FBXL13: variants seen among roughly 807,000 people sequenced by gnomAD.
The protein encoded by FBXL13 is F-box and leucine rich repeat protein 13.
A neutral mutation model predicts 83.6 loss-of-function variants in FBXL13; 67 were observed. That is an observed-to-expected ratio of 0.80 (90% confidence interval 0.66 to 0.98). The LOEUF is 0.98. Ranked by LOEUF, FBXL13 falls within the 50% of genes least tolerant of loss-of-function variation. The pLI is 0.00. For missense variants in FBXL13, 822 were observed against 866.5 expected (o/e 0.95, Z 0.64); for synonymous variants, 272 against 299.5 (o/e 0.91, Z 0.95).
At chr7:102,898,350 T>A (rs533036976) in intron 11 of FBXL13, among the ~76,000 whole-genome samples, 1 of 152,320 alleles carries the variant, frequency 6.6e-6, no homozygotes, top group East Asian at 1.9e-4. Context: ...TCTTTTCTTC[T>A]CTCTTTTTGA....
chr7:102,839,084 C>T (rs751431071), intron 17 of FBXL13, among the ~76,000 whole-genome samples: 12 of 152,220 alleles, frequency 7.9e-5, no homozygotes, highest in Non-Finnish European at 1.2e-4. Context: ...GGAGAAAAAC[C>T]GCCCTATGGC....
intron 1 of FBXL13, among the ~76,000 whole-genome samples, chr7:103,060,037 T>TATATAC (rs1554517907): frequency 2.1e-5 from 2 of 93,266 alleles, no homozygotes; most frequent in African/African-American, 4.9e-5. Flanking sequence ...TATATATATA[T>TATATAC]ATATATATAT....
At chr7:102,882,716 C>T (rs1315068624) in intron 14 of FBXL13, among the ~76,000 whole-genome samples, 6 of 151,998 alleles carry the variant, frequency 3.9e-5, no homozygotes, top group African/African-American at 7.3e-5. Flanking sequence ...GAGCTGAGAT[C>T]GTGCCACTGC....
intron 6 of FBXL13, chr7:102,973,871 G>A (rs939017896): frequency 4.3e-6 from 3 of 691,702 alleles, no homozygotes; most frequent in Admixed American, 4.3e-5. Context: ...AGGCTCCGAC[G>A]TGTGCCAGGT....
At chr7:103,052,287 C>A (rs1796896179) in intron 2 of FBXL13, among the ~76,000 whole-genome samples, 1 of 152,138 alleles carries the variant, frequency 6.6e-6, no homozygotes, top group African/African-American at 2.4e-5. Context: ...TGAGGTCTCA[C>A]TATGTTGCCC....
At chr7:102,988,930 G>A (rs890597286) in intron 6 of FBXL13, 1 of 152,194 alleles carries the variant, frequency 6.6e-6, no homozygotes, top group Non-Finnish European at 1.5e-5. Flanking sequence ...CTCAGTATAA[G>A]GGTATGAAGA....
At chr7:103,059,878 C>G (rs1225438280) in intron 1 of FBXL13, among the ~76,000 whole-genome samples, 2 of 151,584 alleles carry the variant, frequency 1.3e-5, no homozygotes, top group Non-Finnish European at 2.9e-5. Context: ...CAACCATTGA[C>G]AAATTACGTC....
At chr7:103,049,872 A>G (rs1033922489) in intron 2 of FBXL13, among the ~76,000 whole-genome samples, 4 of 152,124 alleles carry the variant, frequency 2.6e-5, no homozygotes, top group African/African-American at 9.7e-5. Context: ...GGTGGAGGGG[A>G]AGAGAATCAA....
At chr7:102,959,439 T>C (rs1824825370) in intron 8 of FBXL13, among the ~76,000 whole-genome samples, 1 of 152,014 alleles carries the variant, frequency 6.6e-6, no homozygotes, top group African/African-American at 2.4e-5. Flanking sequence ...GTAATATATA[T>C]TGTTTGAAAT....
rs560037371 is a variant in FBXL13, at chr7:102,895,929, C to T, written c.1009-11617G>A. 1.6e-3 allele frequency among the ~76,000 whole-genome samples: 249 copies of T among 152,292 alleles called. 1 individual carries two copies. Among genetic ancestry groups the T allele is most frequent in the African/African-American group, 5.5e-3 (228 of 41,562 alleles). ...TCTCCTTGGAGCATTTTAGCTAGTA[C>T]ATTTTATCCATTCATTCATGGGAAT... On this transcript the variant is annotated intron_variant, in intron 11 of 19. Coordinates refer to ENST00000313221, the Ensembl canonical transcript of FBXL13.
chr7:102,901,090 G>T (rs1812911695), intron 11 of FBXL13, among the ~76,000 whole-genome samples: 1 of 152,196 alleles, frequency 6.6e-6, no homozygotes, highest in African/African-American at 2.4e-5. Context: ...TCGAGGGAGG[G>T]AGGCTGACTT....
intron 5 of FBXL13, among the ~76,000 whole-genome samples, chr7:103,025,950 T>C (rs893361902): frequency 6.6e-6 from 1 of 151,398 alleles, no homozygotes; most frequent in Non-Finnish European, 1.5e-5. Flanking sequence ...ATCATATATC[T>C]AGAAAAAAAG....
intron 17 of FBXL13, among the ~76,000 whole-genome samples, chr7:102,848,682 AC>A (rs1284278491): frequency 6.6e-6 from 1 of 151,182 alleles, no homozygotes; most frequent in Non-Finnish European, 1.5e-5. Context: ...AGAAATGCAA[AC>A]CAGATTAAGA....
rs11271766 is a variant in FBXL13 at position 102,981,402 on chromosome 7, T to TCCTGTGCAAATGC, written c.496-13286_496-13285insGCATTTGCACAGG. On this transcript the variant is annotated intron_variant, in intron 6 of 19. Coordinates refer to ENST00000313221, the Ensembl canonical transcript of FBXL13. ...CCATCTCCCATTGCCTGCACACCTT[T>TCCTGTGCAAATGC]CCCCCCCTTACCCACCTCTTTTTCT... is the stretch of plus-strand genomic sequence containing the variant. Among the ~76,000 whole-genome samples the TCCTGTGCAAATGC allele has an allele frequency of 2.8e-4, 43 of 151,994 alleles. 1 individual carries two copies. In the South Asian group the frequency reaches 6.0e-3, roughly 21 times the overall value.
intron 8 of FBXL13, among the ~76,000 whole-genome samples, chr7:102,953,635 A>C (rs1471542626): frequency 6.6e-6 from 1 of 152,196 alleles, no homozygotes; most frequent in Non-Finnish European, 1.5e-5. Flanking sequence ...TATAATAAAA[A>C]ACACTGAATT....
chr7:102,835,376 C>A (rs146660496), intron 17 of FBXL13, among the ~76,000 whole-genome samples: 2 of 152,280 alleles, frequency 1.3e-5, no homozygotes, highest in African/African-American at 4.8e-5. Flanking sequence ...TTATTGGAAT[C>A]AGTGGCCTGG....
chr7:102,840,190 G>A (rs1315694130), intron 17 of FBXL13, among the ~76,000 whole-genome samples: 2 of 152,180 alleles, frequency 1.3e-5, no homozygotes, highest in African/African-American at 4.8e-5. Context: ...ACCAGGAAAA[G>A]ACCAAAACAA....
At chr7:102,983,036 T>C (rs1345294298) in intron 6 of FBXL13, among the ~76,000 whole-genome samples, 1 of 152,210 alleles carries the variant, frequency 6.6e-6, no homozygotes, top group Non-Finnish European at 1.5e-5. Context: ...TAGTTTTTTT[T>C]GGAGTGTAGT....
intron 16 of FBXL13, among the ~76,000 whole-genome samples, chr7:102,874,106 G>T (rs144929576): frequency 6.4e-4 from 98 of 152,324 alleles, no homozygotes; most frequent in Middle Eastern, 3.4e-3. Context: ...AATTGAGAAT[G>T]AACATAATTA....
Sources: gnomAD v4.1 joint callset for allele counts (sites outside exome capture counted in the v4.1 genomes callset) on GRCh38, gnomAD v4.1.1 for gene constraint, MANE v1.5 for transcripts, NCBI Gene and HGNC (gene_info 2026-07-23, HGNC 2026-07-21) for gene names.